The following RASAL2 variants were observed in gnomAD, a reference collection of about 807,000 sequenced individuals.
The protein encoded by RASAL2 is RAS protein activator like 2, also known as ras GTPase-activating protein nGAP.
Under a neutral mutation model 128.9 loss-of-function variants are expected in RASAL2, and 58 were observed. That is an observed-to-expected ratio of 0.45 (90% CI 0.36 to 0.56). The LOEUF (loss-of-function observed/expected upper bound fraction) is 0.56. RASAL2 is among the 20% of genes least tolerant of loss of function. The probability of loss-of-function intolerance (pLI) is 0.00; values close to 1 mark genes in which losing one functional copy is unlikely to be tolerated. For synonymous variants in RASAL2, 561 were observed against 580.8 expected, an observed-to-expected ratio of 0.97 and a Z score of 0.49; for missense variants, 1,360 against 1,601.6, an observed-to-expected ratio of 0.85 and a Z score of 2.57.
At chr1:178,470,450 C>G (rs925654931) in intron 17 of RASAL2, among the ~76,000 whole-genome samples, 2 of 152,178 alleles carry the variant, frequency 1.3e-5, no homozygotes, top group Non-Finnish European at 2.9e-5. Context: ...GCAGAAGCAC[C>G]TATCCTGGAC....
intron 1 of RASAL2, among the ~76,000 whole-genome samples, chr1:178,110,650 A>ATATATATATG (rs68137228): frequency 0.49 from 67,358 of 138,868 alleles, 16,772 homozygotes; most frequent in South Asian, 0.6. Flanking sequence ...ATATATATAT[A>ATATATATATG]TATGTATGTA....
chr1:178,104,335 T>C (rs893064371), intron 1 of RASAL2, among the ~76,000 whole-genome samples: 17 of 152,200 alleles, frequency 1.1e-4, no homozygotes, highest in African/African-American at 4.1e-4. Flanking sequence ...TTGGTCTGTT[T>C]ATATTCATGT....
chr1:178,180,710 A>G (rs1339480259), intron 1 of RASAL2, among the ~76,000 whole-genome samples: 1 of 129,478 alleles, frequency 7.7e-6, no homozygotes, highest in Non-Finnish European at 1.7e-5. Flanking sequence ...AGAAAGAAGA[A>G]AAGGCATTAT....
chr1:178,254,038 G>A (rs192107142), intron 1 of RASAL2, among the ~76,000 whole-genome samples: 3 of 152,104 alleles, frequency 2.0e-5, no homozygotes, highest in Admixed American at 2.0e-4. Flanking sequence ...ACACACTCTG[G>A]CCTCTGCTTC....
intron 1 of RASAL2, among the ~76,000 whole-genome samples, chr1:178,202,445 A>T (rs1662905152): frequency 6.6e-6 from 1 of 152,240 alleles, no homozygotes; most frequent in Admixed American, 6.5e-5. Flanking sequence ...GGACAGCTGC[A>T]GCACTACAGC....
intron 4 of RASAL2, among the ~76,000 whole-genome samples, chr1:178,409,975 G>T (rs2102696919): frequency 6.6e-6 from 1 of 152,332 alleles, no homozygotes; most frequent in African/African-American, 2.4e-5. Flanking sequence ...CATGGCACCA[G>T]GAAGATTGAC....
intron 5 of RASAL2, among the ~76,000 whole-genome samples, chr1:178,421,644 A>G (rs1312611489): frequency 6.6e-6 from 1 of 151,938 alleles, no homozygotes; most frequent in Non-Finnish European, 1.5e-5. Flanking sequence ...ACTCTTATTT[A>G]TGTTTTACTT....
chr1:178,226,525 G>T (rs371647550), intron 1 of RASAL2, among the ~76,000 whole-genome samples: 7 of 152,114 alleles, frequency 4.6e-5, no homozygotes, highest in African/African-American at 1.7e-4. Context: ...CGGTTGTGTT[G>T]TAATACTTGC....
At chr1:178,456,678 G>T (rs756581038) in intron 12 of RASAL2, 43 bp from the exon 13 acceptor site, 5 of 1,604,632 alleles carry the variant, frequency 3.1e-6, no homozygotes, top group African/African-American at 1.3e-5. Flanking sequence ...GGTGGATGTC[G>T]CAATGCTTAT....
Position 178,442,959 on chromosome 1 carries a change from T to C in RASAL2, c.1212T>C (p.Ser404=), listed in dbSNP as rs375585400. The C allele has an allele frequency of 1.2e-6, 2 of 1,614,042 alleles. No individual in the cohort carries two copies. Among genetic ancestry groups the C allele is most frequent in the Non-Finnish European group, 1.7e-6 (2 of 1,179,970 alleles). The change falls in exon 8 of 18, where the codon AGT becomes AGC. Residue 404 remains serine, a synonymous_variant. Transcript: ENST00000367649. Reference sequence around the variant, plus strand: ...GGCTAGTCAACATCCCCACTGCCAGTGTGACTGGTCGCCAATTTGTAGAAA... The same window carrying C: ...GGCTAGTCAACATCCCCACTGCCAGCGTGACTGGTCGCCAATTTGTAGAAA... ...YVGLVNIPTA[S]VTGRQFVEKW...
In RASAL2 at chr1:178,473,175, C is replaced by T. The variant is rs759643489; in HGVS notation, c.3779C>T (p.Ser1260Phe). The T allele has an allele frequency of 6.2e-7, 1 of 1,614,190 alleles. No individual in the cohort carries two copies. Among genetic ancestry groups the T allele is most frequent in the African/African-American group, 1.3e-5 (1 of 75,046 alleles). The change falls in exon 18 of 18, where the codon TCC becomes TTC. Residue 1260 changes from serine to phenylalanine, a missense_variant. Transcript: ENST00000367649. ...AGCATGCAGGTCCGCAATGGCATCT[C>T]CCCCACCAACCCCACCAAGCTTTCC... is the stretch of plus-strand genomic sequence containing the variant. The part of the protein sequence containing the change: ...RYSMQVRNGI[S>F]PTNPTKLSIT...
chr1:178,103,534 G>A (rs1315572174), intron 1 of RASAL2, among the ~76,000 whole-genome samples: 1 of 151,898 alleles, frequency 6.6e-6, no homozygotes, highest in Admixed American at 6.6e-5. Context: ...ACGAAATTTT[G>A]GATCAGACAA....
At chr1:178,160,491 G>A (rs1041246477) in intron 1 of RASAL2, among the ~76,000 whole-genome samples, 22 of 152,122 alleles carry the variant, frequency 1.4e-4, no homozygotes, top group East Asian at 3.9e-4. Flanking sequence ...AAAAATTAGC[G>A]GGACGTGGTG....
At chr1:178,441,398 A>C (rs1389413335) in intron 6 of RASAL2, 151 bp from the exon 7 acceptor site, 2 of 555,912 alleles carry the variant, frequency 3.6e-6, no homozygotes, top group African/African-American at 1.9e-5. Flanking sequence ...GGGATCTGAG[A>C]CCATGTTTTT....
intron 15 of RASAL2, among the ~76,000 whole-genome samples, chr1:178,465,274 G>T (rs1295374059): frequency 6.6e-6 from 1 of 152,196 alleles, no homozygotes; most frequent in Non-Finnish European, 1.5e-5. Context: ...TTTAGTGCTT[G>T]TGACTGGAAT....
At chr1:178,319,601 C>T (rs1199685226) in intron 3 of RASAL2, among the ~76,000 whole-genome samples, 2 of 147,736 alleles carry the variant, frequency 1.4e-5, no homozygotes, top group African/African-American at 5.3e-5. Flanking sequence ...CCTGAGGCTT[C>T]TGCATTCTTC....
At chr1:178,187,421 C>G (rs897732736) in intron 1 of RASAL2, among the ~76,000 whole-genome samples, 1 of 152,178 alleles carries the variant, frequency 6.6e-6, no homozygotes, top group Non-Finnish European at 1.5e-5. Context: ...CTTGTTAGCA[C>G]ATTGAATATG....
intron 3 of RASAL2, among the ~76,000 whole-genome samples, chr1:178,318,110 G>A (rs1190781679): frequency 2.6e-5 from 4 of 152,166 alleles, no homozygotes. Flanking sequence ...GCTTTGAGTG[G>A]GATTCTTAGT....
At chr1:178,304,622 C>A (rs1667911825) in intron 3 of RASAL2, among the ~76,000 whole-genome samples, 1 of 152,080 alleles carries the variant, frequency 6.6e-6, no homozygotes, top group South Asian at 2.1e-4. Flanking sequence ...GCAGCAGAAG[C>A]CCTACTGAAA....
Sources: allele counts gnomAD v4.1 joint callset (sites outside exome capture counted in the v4.1 genomes callset), GRCh38; gene constraint gnomAD v4.1.1; transcripts MANE v1.5; gene names NCBI Gene and HGNC (gene_info 2026-07-23, HGNC 2026-07-21).